Variants in GAREM1 observed in about 807,000 individuals in gnomAD.
The protein encoded by GAREM1 is GRB2 associated regulator of MAPK1 subtype 1.
Under a neutral mutation model 71.3 loss-of-function variants are expected in GAREM1, and 26 were observed. That is an observed-to-expected ratio of 0.36 (90% CI 0.27 to 0.51). The LOEUF (loss-of-function observed/expected upper bound fraction) is 0.51. GAREM1 is among the 20% of genes least tolerant of loss of function. The pLI is 0.95. For missense variants in GAREM1, 1,026 were observed against 1,103.1 expected (o/e 0.93, Z 0.99); for synonymous variants, 440 against 433.2 (o/e 1.02, Z -0.20).
intron 1 of GAREM1, among the ~76,000 whole-genome samples, chr18:32,425,057 G>A (rs1173788923): frequency 6.6e-6 from 1 of 152,134 alleles, no homozygotes; most frequent in Non-Finnish European, 1.5e-5. Flanking sequence ...TCAACCAAAT[G>A]ATCACTTGGC....
intron 2 of GAREM1, among the ~76,000 whole-genome samples, chr18:32,343,477 C>T (rs2047667461): frequency 6.6e-6 from 1 of 151,822 alleles, no homozygotes; most frequent in Admixed American, 6.6e-5. Context: ...AATTTTGTAT[C>T]TGTGGTAGAG....
At chr18:32,448,276 A>G (rs936315893) in intron 1 of GAREM1, among the ~76,000 whole-genome samples, 1 of 152,226 alleles carries the variant, frequency 6.6e-6, no homozygotes. Flanking sequence ...CAAAAAGCTA[A>G]GCAAGAATCA....
chr18:32,382,623 G>C (rs2048108246), intron 2 of GAREM1, among the ~76,000 whole-genome samples: 1 of 152,108 alleles, frequency 6.6e-6, no homozygotes, highest in African/African-American at 2.4e-5. Flanking sequence ...AAAACTCCTG[G>C]CTAGCTGGTA....
chr18:32,455,338 C>G (rs2048877181), intron 1 of GAREM1, among the ~76,000 whole-genome samples: 1 of 152,056 alleles, frequency 6.6e-6, no homozygotes, highest in South Asian at 2.1e-4. Context: ...TTTAAGTGGA[C>G]AGATGTAGGT....
intron 1 of GAREM1, among the ~76,000 whole-genome samples, chr18:32,434,018 C>G (rs1460440423): frequency 6.6e-6 from 1 of 152,110 alleles, no homozygotes; most frequent in African/African-American, 2.4e-5. Flanking sequence ...AAGATTCACA[C>G]TATTTAAGAC....
chr18:32,291,296 T>G lies in GAREM1; in HGVS notation c.394-3093A>C, dbSNP rs557226617. ...AAGAAAGGAAAAATTAGTATATACATTTTCTTTTTATTTTTGTTACCAAAA... is the reference window on the plus strand; with the variant it reads ...AAGAAAGGAAAAATTAGTATATACAGTTTCTTTTTATTTTTGTTACCAAAA... On this transcript the variant is annotated intron_variant, in intron 3 of 5. Coordinates refer to ENST00000269209, the MANE Select transcript of GAREM1 (RefSeq NM_001242409.2). Among the ~76,000 whole-genome samples the G allele has an allele frequency of 2.0e-5, 3 of 149,750 alleles. No homozygotes were observed. The South Asian group carries it at 6.3e-4, about 31-fold the overall frequency.
chr18:32,367,297 T>C (rs1237559452), intron 2 of GAREM1, among the ~76,000 whole-genome samples: 3 of 152,218 alleles, frequency 2.0e-5, no homozygotes, highest in Non-Finnish European at 4.4e-5. Flanking sequence ...TGAAGGACAC[T>C]GGTTGGCAGG....
chr18:32,420,765 A>AAAT (rs1555645364), intron 1 of GAREM1, among the ~76,000 whole-genome samples: 35 of 151,974 alleles, frequency 2.3e-4, no homozygotes, highest in African/African-American at 8.5e-4. Flanking sequence ...GAAAAAAAAA[A>AAAT]AAAAATAGAA....
In GAREM1 at chr18:32,470,610, C is replaced by A; in HGVS notation, c.-182G>T. ...GGCCCGGAGGGAGGGGGCCGGCGCCCGGCTCAGCTGCCGCTGCGGGGCATG... is the reference window on the plus strand; with the variant it reads ...GGCCCGGAGGGAGGGGGCCGGCGCCAGGCTCAGCTGCCGCTGCGGGGCATG... On this transcript the variant is annotated 5_prime_UTR_variant, in exon 1 of 6. Transcript: ENST00000269209. The surrounding 1 kb of genome is among the most constrained non-coding windows in gnomAD (Gnocchi z 4.4). 1 of 204,592 alleles carries A rather than the reference C, an allele frequency of 4.9e-6. No homozygotes were observed. Among genetic ancestry groups the A allele is most frequent in the South Asian group, 1.7e-4 (1 of 5,970 alleles). 12.7% of individuals were successfully genotyped at this position (204,592 alleles called of 1,614,324 possible).
At position 32,315,499 on chromosome 18, in the gene GAREM1, A is replaced by T. The variant is rs186960439; in HGVS notation, c.263-5176T>A. Among the ~76,000 whole-genome samples, 1,066 of 147,522 alleles carry T rather than the reference A, an allele frequency of 7.2e-3. 7 individuals are homozygous for T. Among genetic ancestry groups the T allele is most frequent in the Non-Finnish European group, 0.011 (755 of 66,970 alleles). On this transcript the variant is annotated intron_variant, in intron 2 of 5. Coordinates refer to ENST00000269209, the MANE Select transcript of GAREM1 (RefSeq NM_001242409.2). The stretch of plus-strand genomic sequence containing the variant: ...AAAAGTAGATATATATAAAATATAT[A>T]AAAAAGTAGATATATATAAAAATAT...
intron 2 of GAREM1, among the ~76,000 whole-genome samples, chr18:32,316,471 G>T (rs2047378860): frequency 6.6e-6 from 1 of 152,000 alleles, no homozygotes; most frequent in South Asian, 2.1e-4. Flanking sequence ...CTTTATTTTT[G>T]AGACAAGGTC....
At chr18:32,381,974 A>C (rs1004358444) in intron 2 of GAREM1, among the ~76,000 whole-genome samples, 2 of 152,086 alleles carry the variant, frequency 1.3e-5, no homozygotes, top group Non-Finnish European at 2.9e-5. Flanking sequence ...TTTTGCTTGC[A>C]CCTGTTAGAG....
At chr18:32,390,558 T>A (rs774405475) in intron 2 of GAREM1, among the ~76,000 whole-genome samples, 8 of 152,198 alleles carry the variant, frequency 5.3e-5, no homozygotes, top group Non-Finnish European at 1.0e-4. Context: ...TCCTCTTAAG[T>A]CTTGGCACCT....
intron 3 of GAREM1, among the ~76,000 whole-genome samples, chr18:32,295,175 C>T (rs2047128374): frequency 6.6e-6 from 1 of 152,042 alleles, no homozygotes; most frequent in Non-Finnish European, 1.5e-5. Context: ...AGTGATTCTA[C>T]TGCCTCAGCC....
chr18:32,288,952 T>C (rs1371725340), intron 3 of GAREM1, among the ~76,000 whole-genome samples: 1 of 152,236 alleles, frequency 6.6e-6, no homozygotes. Context: ...AAAATATAGA[T>C]GGATTTTTCC....
Position 32,371,942 on chromosome 18 carries a change from A to G in GAREM1, c.262+20953T>C, listed in dbSNP as rs149301220. 2.7e-3 allele frequency among the ~76,000 whole-genome samples: 412 copies of G among 152,316 alleles called. 3 individuals are homozygous for G. Among genetic ancestry groups the G allele is most frequent in the African/African-American group, 9.6e-3 (399 of 41,580 alleles). Reference sequence around the variant, plus strand: ...GGACCTTAGTTAAAGCTATTTCAGTAAAGTTATGAGAAAGAGAGTCAGACC... The same window carrying G: ...GGACCTTAGTTAAAGCTATTTCAGTGAAGTTATGAGAAAGAGAGTCAGACC... On this transcript the variant is annotated intron_variant, in intron 2 of 5. Transcript: ENST00000269209.
At chr18:32,372,358 G>A (rs765868167) in intron 2 of GAREM1, among the ~76,000 whole-genome samples, 13 of 152,242 alleles carry the variant, frequency 8.5e-5, no homozygotes, top group African/African-American at 2.6e-4. Flanking sequence ...TCTATGTGAC[G>A]CACACTAATC....
chr18:32,418,117 T>C (rs1387589083), intron 1 of GAREM1, among the ~76,000 whole-genome samples: 2 of 152,192 alleles, frequency 1.3e-5, no homozygotes, highest in Non-Finnish European at 2.9e-5. Flanking sequence ...TTTTCAATAT[T>C]TCCATTTCAA....
chr18:32,337,467 G>A (rs1203213735), intron 2 of GAREM1, among the ~76,000 whole-genome samples: 2 of 152,122 alleles, frequency 1.3e-5, no homozygotes, highest in East Asian at 1.9e-4. Context: ...CTGATAACTC[G>A]GTAATTCTGT....
Sources: gnomAD v4.1 joint callset for allele counts (sites outside exome capture counted in the v4.1 genomes callset) on GRCh38, gnomAD v4.1.1 for gene constraint, Gnocchi (gnomAD v3.1) non-coding constraint, MANE v1.5 for transcripts, NCBI Gene and HGNC (gene_info 2026-07-23, HGNC 2026-07-21) for gene names.